The following CACNA2D3 variants were observed in gnomAD, a reference collection of about 807,000 sequenced individuals.
CACNA2D3 encodes calcium voltage-gated channel auxiliary subunit alpha2delta 3.
CACNA2D3 carries 60 observed loss-of-function variants against 160.6 expected under a neutral mutation model. The observed-to-expected ratio is 0.37, with a 90% CI of 0.30 to 0.46. The LOEUF is 0.46. Among genes scored for constraint, CACNA2D3 ranks in the 20% least tolerant of loss-of-function variants. The pLI, the probability that CACNA2D3 is intolerant of heterozygous loss-of-function variation, is 1.00. For missense variants in CACNA2D3, 1,205 were observed against 1,365.0 expected (o/e 0.88, Z 1.85); for synonymous variants, 558 against 492.9 (o/e 1.13, Z -1.75).
chr3:54,784,749 A>G (rs1702601803), intron 13 of CACNA2D3, among the ~76,000 whole-genome samples: 1 of 152,154 alleles, frequency 6.6e-6, no homozygotes. Flanking sequence ...GAGAAGAGGG[A>G]GCAGCAGACT....
chr3:54,774,629 A>AAT (rs1702388587), intron 13 of CACNA2D3, among the ~76,000 whole-genome samples: 1 of 107,916 alleles, frequency 9.3e-6, no homozygotes, highest in East Asian at 2.6e-4. Flanking sequence ...CTCTTTGACT[A>AAT]TTTTTTTTTT....
intron 11 of CACNA2D3, among the ~76,000 whole-genome samples, chr3:54,660,143 C>CTTTTT (rs34482934): frequency 7.0e-6 from 1 of 142,784 alleles, no homozygotes; most frequent in Non-Finnish European, 1.5e-5. Flanking sequence ...CTTTTGGTTT[C>CTTTTT]TTTTTTTTTT....
chr3:54,944,259 A>G (rs1403804536), intron 27 of CACNA2D3, among the ~76,000 whole-genome samples: 2 of 152,014 alleles, frequency 1.3e-5, no homozygotes, highest in Non-Finnish European at 2.9e-5. Flanking sequence ...CATATCCTTC[A>G]GTTCTAGGAA....
intron 4 of CACNA2D3, among the ~76,000 whole-genome samples, chr3:54,414,028 T>C (rs1699715316): frequency 6.6e-6 from 1 of 151,870 alleles, no homozygotes; most frequent in African/African-American, 2.4e-5. Context: ...ATCCATGTAA[T>C]GTAAGTTTAA....
chr3:55,011,454 G>A (rs565914184), intron 34 of CACNA2D3, among the ~76,000 whole-genome samples: 2 of 152,166 alleles, frequency 1.3e-5, no homozygotes, highest in South Asian at 2.1e-4. Flanking sequence ...ATTTATAATC[G>A]CAAATACTGG....
At chr3:54,741,473 G>C (rs931893499) in intron 11 of CACNA2D3, among the ~76,000 whole-genome samples, 22 of 152,254 alleles carry the variant, frequency 1.4e-4, no homozygotes, top group African/African-American at 4.8e-4. Flanking sequence ...CAAGTAACTT[G>C]CTGGGCAAGG....
intron 27 of CACNA2D3, among the ~76,000 whole-genome samples, chr3:54,938,813 C>A (rs1002433164): frequency 2.6e-5 from 4 of 152,132 alleles, no homozygotes; most frequent in African/African-American, 9.7e-5. Flanking sequence ...CCATGGCTTG[C>A]GCTAGAAATA....
At chr3:54,497,422 TTGTG>T (rs1289462265) in intron 4 of CACNA2D3, among the ~76,000 whole-genome samples, 1 of 152,068 alleles carries the variant, frequency 6.6e-6, no homozygotes, top group Non-Finnish European at 1.5e-5. Flanking sequence ...TCCAACTGTT[TTGTG>T]TTAGTATATT....
At chr3:54,682,824 G>T (rs950406360) in intron 11 of CACNA2D3, among the ~76,000 whole-genome samples, 1 of 152,080 alleles carries the variant, frequency 6.6e-6, no homozygotes, top group Non-Finnish European at 1.5e-5. Context: ...GCACTGCTTG[G>T]AGAGATCAAG....
At chr3:54,617,704 A>G (rs912215064) in intron 9 of CACNA2D3, among the ~76,000 whole-genome samples, 6 of 152,310 alleles carry the variant, frequency 3.9e-5, no homozygotes, top group Admixed American at 1.3e-4. Flanking sequence ...TTATCTGGCA[A>G]CCATAGCTCT....
At chr3:54,384,382 A>G (rs1024133991) in intron 3 of CACNA2D3, among the ~76,000 whole-genome samples, 1 of 152,212 alleles carries the variant, frequency 6.6e-6, no homozygotes, top group African/African-American at 2.4e-5. Context: ...TGATACATGC[A>G]CAGAAATTCT....
At chr3:54,759,494 AG>A (rs1437459524) in intron 12 of CACNA2D3, among the ~76,000 whole-genome samples, 1 of 151,830 alleles carries the variant, frequency 6.6e-6, no homozygotes, top group Non-Finnish European at 1.5e-5. Context: ...AAAAAAAAAA[AG>A]GCTCAGAAAG....
At position 54,899,818 on chromosome 3, in the gene CACNA2D3, C is replaced by T. The variant is rs1246193533; in HGVS notation, c.2399C>T (p.Ala800Val). 1 of 1,608,874 alleles carries T rather than the reference C, an allele frequency of 6.2e-7. No individual in the cohort carries two copies. The highest frequency in any genetic ancestry group is 1.3e-5 in the African/African-American group (1 of 74,862). The change falls in exon 27 of 38, where the codon GCA (alanine) becomes GTA (valine). Residue 800 changes from alanine to valine, a missense_variant. Physicochemically the swap from Ala to Val is moderately conservative, Grantham distance 64. Around this residue, in one of 3 missense-constraint regions of CACNA2D3, gnomAD observed 911 missense variants for 1,002.2 expected, o/e 0.91. Transcript: ENST00000474759. ...GTCAATAAAAGCAATGTGGTGACAG[C>T]AAGTACATCCATCCAGCTCCTGGAT... is the stretch of plus-strand genomic sequence containing the variant. ...GPVNKSNVVT[A>V]STSIQLLDER...
At chr3:54,808,896 C>T (rs372991333) in intron 13 of CACNA2D3, among the ~76,000 whole-genome samples, 2 of 152,206 alleles carry the variant, frequency 1.3e-5, no homozygotes, top group South Asian at 2.1e-4. Flanking sequence ...CATACGCTAT[C>T]GGATTGGAGC....
At chr3:54,285,732 C>T (rs1466427418) in intron 2 of CACNA2D3, among the ~76,000 whole-genome samples, 3 of 152,178 alleles carry the variant, frequency 2.0e-5, no homozygotes, top group African/African-American at 7.2e-5. Context: ...TGAGACAAAA[C>T]TTCCAGAGGA....
In CACNA2D3 at chr3:54,309,740, G is replaced by GGAAGTTCTTAAAAGCA. The variant is rs201573121; in HGVS notation, c.205-10701_205-10686dup. On this transcript the variant is annotated intron_variant, in intron 2 of 37. Transcript: ENST00000474759. Reference sequence around the variant, plus strand: ...ACCACACCGTTCCTCCCGTCTAGCTGGAAGTTCTTAAAAGCACGCTGAGGA... The same window carrying GGAAGTTCTTAAAAGCA: ...ACCACACCGTTCCTCCCGTCTAGCTGGAAGTTCTTAAAAGCAGAAGTTCTTAAAAGCACGCTGAGGA... 5.5e-3 allele frequency among the ~76,000 whole-genome samples: 839 copies of GGAAGTTCTTAAAAGCA among 152,184 alleles called. 19 individuals are homozygous for GGAAGTTCTTAAAAGCA. Among genetic ancestry groups the GGAAGTTCTTAAAAGCA allele is most frequent in the East Asian group, 0.049 (253 of 5,130 alleles).
intron 13 of CACNA2D3, among the ~76,000 whole-genome samples, chr3:54,812,202 C>A (rs745612832): frequency 6.6e-6 from 1 of 152,120 alleles, no homozygotes; most frequent in African/African-American, 2.4e-5. Context: ...TCATTGGCCA[C>A]GACTGAAGCC....
intron 27 of CACNA2D3, 138 bp downstream of exon 27, chr3:54,900,006 C>T: frequency 1.5e-6 from 1 of 646,116 alleles, no homozygotes; most frequent in Non-Finnish European, 2.7e-6. Flanking sequence ...ACTTCCTTCT[C>T]AGCTTGGTGT....
chr3:54,343,876 T>G (rs1698408912), intron 3 of CACNA2D3, among the ~76,000 whole-genome samples: 1 of 152,160 alleles, frequency 6.6e-6, no homozygotes, highest in Non-Finnish European at 1.5e-5. Flanking sequence ...CCTATTTTTG[T>G]TTAAGTTTAG....
Sources: gnomAD v4.1 joint callset for allele counts (sites outside exome capture counted in the v4.1 genomes callset) on GRCh38, gnomAD v4.1.1 for gene constraint, gnomAD v4.1.1 regional missense constraint, MANE v1.5 for transcripts, NCBI Gene and HGNC (gene_info 2026-07-23, HGNC 2026-07-21) for gene names.